TMPRSS15: variants seen among roughly 807,000 people sequenced by gnomAD.
TMPRSS15 encodes the protein transmembrane serine protease 15.
A neutral mutation model predicts 125.3 loss-of-function variants in TMPRSS15; 128 were observed. That is an observed-to-expected ratio of 1.02 (90% CI 0.89 to 1.18). The LOEUF is 1.18. Ranked by LOEUF, TMPRSS15 falls within the 50% of genes most tolerant of loss-of-function variation. The pLI is 0.00. For synonymous variants in TMPRSS15, 446 were observed against 423.2 expected (o/e 1.05, Z -0.66); for missense variants, 1,283 against 1,212.7 (o/e 1.06, Z -0.86).
In TMPRSS15 at chr21:18,379,333, A is replaced by T; in HGVS notation, c.497-15T>A. 8.0e-7 allele frequency: 1 copy of T among 1,244,718 alleles called. No individual in the cohort carries two copies. Among genetic ancestry groups the T allele is most frequent in the Non-Finnish European group, 1.1e-6 (1 of 937,170 alleles). 77.1% of individuals were successfully genotyped at this position (1,244,718 alleles called of 1,614,324 possible). On this transcript the variant is annotated splice_polypyrimidine_tract_variant and intron_variant, in intron 4 of 24. Coordinates refer to ENST00000284885, the MANE Select transcript of TMPRSS15 (RefSeq NM_002772.3). ...TGTTAGCTTGTCTGAAAAATAAATTATATTAAAATAATTATTACCTATTTT... is the reference window on the plus strand; with the variant it reads ...TGTTAGCTTGTCTGAAAAATAAATTTTATTAAAATAATTATTACCTATTTT...
At chr21:18,309,854 A>C (rs73322055) in intron 18 of TMPRSS15, among the ~76,000 whole-genome samples, 11,473 of 152,054 alleles carry the variant, frequency 0.075, 785 homozygotes, top group East Asian at 0.34. Context: ...GTTCAACTAA[A>C]CTGATTATTT....
At chr21:18,392,584 C>T (rs1404662757) in intron 3 of TMPRSS15, among the ~76,000 whole-genome samples, 1 of 152,158 alleles carries the variant, frequency 6.6e-6, no homozygotes, top group African/African-American at 2.4e-5. Context: ...ACTACTCCAA[C>T]CTCTGCCTGT....
rs767048989 is a variant in TMPRSS15, at chr21:18,315,122, T to C, written c.2032+24A>G. ...AATGCAGAGGCTAAAGTCATAAAAG[T>C]ATTTTCCTAAAAATAAGACATACCA... On this transcript the variant is annotated intron_variant, in intron 17 of 24. Transcript: ENST00000284885. 11 of 1,574,160 alleles carry C rather than the reference T, an allele frequency of 7.0e-6. No homozygotes were observed. In the South Asian group the frequency reaches 7.7e-5, roughly 11 times the overall value.
At chr21:18,457,233 T>C (rs189795652) in intron 1 of TMPRSS15, among the ~76,000 whole-genome samples, 64 of 152,282 alleles carry the variant, frequency 4.2e-4, no homozygotes, top group Non-Finnish European at 6.8e-4. Flanking sequence ...ATTATCATAG[T>C]AATTTTTCAT....
chr21:18,478,311 C>T (rs1213831464), intron 1 of TMPRSS15, among the ~76,000 whole-genome samples: 4 of 151,974 alleles, frequency 2.6e-5, no homozygotes, highest in Non-Finnish European at 5.9e-5. Context: ...CTTGGTTATG[C>T]TGTTCGTCCC....
intron 3 of TMPRSS15, among the ~76,000 whole-genome samples, chr21:18,392,610 T>C (rs2075999993): frequency 6.6e-6 from 1 of 152,296 alleles, no homozygotes. Context: ...AGTTCCAATG[T>C]CACTTCCACA....
At chr21:18,447,309 G>A (rs568717727) in intron 1 of TMPRSS15, among the ~76,000 whole-genome samples, 1 of 151,772 alleles carries the variant, frequency 6.6e-6, no homozygotes, top group Admixed American at 6.6e-5. Context: ...GCGTGGTGGT[G>A]GGTGCCTATA....
At chr21:18,328,642 G>A (rs2075315705) in intron 15 of TMPRSS15, among the ~76,000 whole-genome samples, 1 of 152,110 alleles carries the variant, frequency 6.6e-6, no homozygotes, top group African/African-American at 2.4e-5. Context: ...ACTGGGAGGG[G>A]TGGTGGAGTG....
intron 21 of TMPRSS15, among the ~76,000 whole-genome samples, 174 bp downstream of exon 21, chr21:18,294,096 G>T (rs1293436920): frequency 2.0e-5 from 3 of 152,182 alleles, no homozygotes; most frequent in Admixed American, 6.5e-5. Context: ...TTTTTAAAAT[G>T]TATCTCTATT....
At chr21:18,365,890 A>G (rs1294021478) in intron 6 of TMPRSS15, among the ~76,000 whole-genome samples, 1 of 150,410 alleles carries the variant, frequency 6.6e-6, no homozygotes, top group Non-Finnish European at 1.5e-5. Context: ...GGCGGTCACC[A>G]CGCCCGGATA....
intron 1 of TMPRSS15, among the ~76,000 whole-genome samples, chr21:18,470,844 A>G (rs1601474561): frequency 1.3e-5 from 2 of 152,206 alleles, no homozygotes; most frequent in Middle Eastern, 3.4e-3. Flanking sequence ...TTAAATTTAT[A>G]CAATGAAGGT....
intron 1 of TMPRSS15, among the ~76,000 whole-genome samples, chr21:18,430,191 T>C (rs767506669): frequency 4.6e-5 from 7 of 152,216 alleles, no homozygotes; most frequent in Non-Finnish European, 8.8e-5. Context: ...GTTAGATGTG[T>C]ATCAATGCTG....
chr21:18,474,945 T>C (rs1311661925), intron 1 of TMPRSS15, among the ~76,000 whole-genome samples: 1 of 152,130 alleles, frequency 6.6e-6, no homozygotes, highest in African/African-American at 2.4e-5. Context: ...CCCACAGACA[T>C]TTACTTCATG....
intron 22 of TMPRSS15, among the ~76,000 whole-genome samples, chr21:18,279,594 A>C (rs1026903925): frequency 6.6e-6 from 1 of 151,344 alleles, no homozygotes; most frequent in Non-Finnish European, 1.5e-5. Flanking sequence ...TCGGCCTCCC[A>C]AAGTGCTGGG....
chr21:18,369,816 C>T (rs1268360117), intron 6 of TMPRSS15, among the ~76,000 whole-genome samples: 3 of 151,940 alleles, frequency 2.0e-5, no homozygotes, highest in Non-Finnish European at 4.4e-5. Context: ...CTTGTGGGCT[C>T]ACCATAATCA....
chr21:18,382,920 T>C (rs948699636), intron 4 of TMPRSS15, among the ~76,000 whole-genome samples: 1 of 152,180 alleles, frequency 6.6e-6, no homozygotes, highest in Non-Finnish European at 1.5e-5. Context: ...GTTCCATATT[T>C]CTTCTTTTTT....
intron 3 of TMPRSS15, among the ~76,000 whole-genome samples, chr21:18,396,259 T>C (rs2076034383): frequency 6.6e-6 from 1 of 152,114 alleles, no homozygotes; most frequent in Non-Finnish European, 1.5e-5. Flanking sequence ...CCACCCTCCC[T>C]AGAAGTTGTT....
intron 1 of TMPRSS15, among the ~76,000 whole-genome samples, chr21:18,458,042 G>A (rs1169612186): frequency 6.6e-6 from 1 of 152,154 alleles, no homozygotes; most frequent in African/African-American, 2.4e-5. Flanking sequence ...GGAGGTTAGT[G>A]TAAGTGTGCT....
At chr21:18,362,921 G>T (rs2147027795) in intron 7 of TMPRSS15, among the ~76,000 whole-genome samples, 1 of 152,220 alleles carries the variant, frequency 6.6e-6, no homozygotes, top group South Asian at 2.1e-4. Context: ...GAAGAAGTTA[G>T]ATTTGAACCC....
Sources: gnomAD v4.1 joint callset for allele counts (sites outside exome capture counted in the v4.1 genomes callset) on GRCh38, gnomAD v4.1.1 for gene constraint, MANE v1.5 for transcripts, NCBI Gene and HGNC (gene_info 2026-07-23, HGNC 2026-07-21) for gene names.